Variants in TMEM163 observed in about 807,000 individuals in gnomAD.
TMEM163 encodes the protein transmembrane protein 163.
In TMEM163, 17 loss-of-function variants were observed where a neutral mutation model predicts 29.3. The ratio of observed to expected loss-of-function variants is 0.58; its 90% CI spans 0.40 to 0.87. TMEM163 has a LOEUF of 0.87. Ranked by LOEUF, TMEM163 falls within the 40% of genes least tolerant of loss-of-function variation. The probability of loss-of-function intolerance (pLI) is 0.00; values close to 1 mark genes in which losing one functional copy is unlikely to be tolerated. For synonymous variants in TMEM163, 157 were observed against 160.6 expected (o/e 0.98, Z 0.17); for missense variants, 303 against 381.5 (o/e 0.79, Z 1.71).
Position 134,687,717 on chromosome 2 carries a change from C to T in TMEM163, c.322+25483G>A, listed in dbSNP as rs541985558. 5.9e-5 allele frequency among the ~76,000 whole-genome samples: 9 copies of T among 152,226 alleles called. No individual in the cohort carries two copies. In the East Asian group the frequency reaches 1.7e-3, roughly 29 times the overall value. ...CTGTGACCAGCACCCTACTTAGATACCCTGGACTTTTTCATCAGAAAAGAC... is the reference window on the plus strand; with the variant it reads ...CTGTGACCAGCACCCTACTTAGATATCCTGGACTTTTTCATCAGAAAAGAC... On this transcript the variant is annotated intron_variant, in intron 2 of 7. Transcript: ENST00000281924.
intron 2 of TMEM163, among the ~76,000 whole-genome samples, chr2:134,581,562 T>TC (rs1267437268): frequency 6.6e-6 from 1 of 151,910 alleles, no homozygotes; most frequent in Non-Finnish European, 1.5e-5. Context: ...GCACTGCCCT[T>TC]CCCCCAAACA....
intron 2 of TMEM163, among the ~76,000 whole-genome samples, chr2:134,587,843 C>CA (rs1469982506): frequency 5.9e-5 from 9 of 152,230 alleles, no homozygotes; most frequent in African/African-American, 2.2e-4. Flanking sequence ...ACTTCAAATC[C>CA]AATTACTGCA....
At chr2:134,511,961 T>C (rs903275528) in intron 4 of TMEM163, among the ~76,000 whole-genome samples, 2 of 152,226 alleles carry the variant, frequency 1.3e-5, no homozygotes, top group Non-Finnish European at 2.9e-5. Flanking sequence ...GGATGGGGAA[T>C]AGAAGCCTGC....
At chr2:134,629,481 T>C (rs954471884) in intron 2 of TMEM163, among the ~76,000 whole-genome samples, 1 of 152,228 alleles carries the variant, frequency 6.6e-6, no homozygotes, top group African/African-American at 2.4e-5. Flanking sequence ...TTAGAAGATC[T>C]GCCTTATCAC....
chr2:134,647,151 A>G (rs1683352378), intron 2 of TMEM163, among the ~76,000 whole-genome samples: 2 of 152,232 alleles, frequency 1.3e-5, no homozygotes. Context: ...TAAAAGGAAG[A>G]GTCCCAATAT....
At chr2:134,674,313 G>A (rs1006565988) in intron 2 of TMEM163, among the ~76,000 whole-genome samples, 10 of 148,388 alleles carry the variant, frequency 6.7e-5, no homozygotes, top group African/African-American at 2.2e-4. Flanking sequence ...GGATGTGAAC[G>A]TTGTCAAAAT....
At chr2:134,479,536 C>G (rs1410321592) in intron 5 of TMEM163, among the ~76,000 whole-genome samples, 1 of 152,142 alleles carries the variant, frequency 6.6e-6, no homozygotes, top group South Asian at 2.1e-4. Flanking sequence ...TCTCAGAGAA[C>G]AAGTTGTGGA....
intron 4 of TMEM163, among the ~76,000 whole-genome samples, chr2:134,511,935 A>G (rs910091661): frequency 2.0e-5 from 3 of 152,244 alleles, no homozygotes; most frequent in Admixed American, 6.5e-5. Context: ...GAGAGTGAAC[A>G]GCTTTTGCTG....
intron 2 of TMEM163, among the ~76,000 whole-genome samples, chr2:134,627,536 A>T (rs1682879573): frequency 6.6e-6 from 1 of 152,248 alleles, no homozygotes; most frequent in Admixed American, 6.5e-5. Flanking sequence ...TACTAAAATT[A>T]GTTAACAACC....
chr2:134,627,606 C>G (rs1682881373), intron 2 of TMEM163, among the ~76,000 whole-genome samples: 2 of 152,138 alleles, frequency 1.3e-5, no homozygotes, highest in African/African-American at 2.4e-5. Flanking sequence ...AATTAGCTAA[C>G]TATGGCCTAC....
intron 5 of TMEM163, among the ~76,000 whole-genome samples, chr2:134,493,656 G>A (rs1679481587): frequency 6.6e-6 from 1 of 152,150 alleles, no homozygotes; most frequent in Admixed American, 6.5e-5. Flanking sequence ...ACAGGCGTGA[G>A]CCACTGCGCC....
chr2:134,661,428 C>G (rs888692606), intron 2 of TMEM163, among the ~76,000 whole-genome samples: 1 of 152,194 alleles, frequency 6.6e-6, no homozygotes, highest in South Asian at 2.1e-4. Context: ...GAACTTATAT[C>G]GATGGGCAAA....
intron 2 of TMEM163, among the ~76,000 whole-genome samples, chr2:134,594,947 G>A (rs796413272): frequency 9.2e-5 from 14 of 151,388 alleles, no homozygotes; most frequent in African/African-American, 3.4e-4. Flanking sequence ...TGGCACAGAA[G>A]CAATATAGCA....
At chr2:134,524,574 G>A (rs1343003578) in intron 4 of TMEM163, among the ~76,000 whole-genome samples, 1 of 149,420 alleles carries the variant, frequency 6.7e-6, no homozygotes, top group Non-Finnish European at 1.5e-5. Flanking sequence ...CCCTCCCTGT[G>A]TCCATGTGTT....
chr2:134,697,606 A>G (rs1684610591), intron 2 of TMEM163, among the ~76,000 whole-genome samples: 2 of 151,994 alleles, frequency 1.3e-5, no homozygotes, highest in Non-Finnish European at 2.9e-5. Context: ...CTGGGATTAC[A>G]GGTGCCTGCC....
intron 2 of TMEM163, among the ~76,000 whole-genome samples, chr2:134,699,057 T>C (rs1243656252): frequency 6.6e-6 from 1 of 152,234 alleles, no homozygotes; most frequent in Non-Finnish European, 1.5e-5. Flanking sequence ...TGAAAAAGGA[T>C]AGAAATTATC....
intron 2 of TMEM163, among the ~76,000 whole-genome samples, chr2:134,622,142 T>C (rs1682753265): frequency 6.6e-6 from 1 of 152,114 alleles, no homozygotes; most frequent in Non-Finnish European, 1.5e-5. Context: ...AGCAGATCTG[T>C]GGTTACTCGA....
chr2:134,502,352 G>A (rs72853959), intron 5 of TMEM163, among the ~76,000 whole-genome samples: 16,816 of 152,176 alleles, frequency 0.11, 1,186 homozygotes, highest in South Asian at 0.2. Flanking sequence ...CATAAGGGGA[G>A]GGAGGGAAAA....
At chr2:134,629,095 A>G in intron 2 of TMEM163, among the ~76,000 whole-genome samples, 1 of 152,346 alleles carries the variant, frequency 6.6e-6, no homozygotes, top group African/African-American at 2.4e-5. Context: ...TAAGTGTTTT[A>G]CATGTATTAC....
Sources: gnomAD v4.1 joint callset for allele counts (sites outside exome capture counted in the v4.1 genomes callset) on GRCh38, gnomAD v4.1.1 for gene constraint, MANE v1.5 for transcripts, NCBI Gene and HGNC (gene_info 2026-07-23, HGNC 2026-07-21) for gene names.